Variants in FHIT observed in about 807,000 individuals in gnomAD.
FHIT encodes the protein fragile histidine triad diadenosine triphosphatase.
Under a neutral mutation model 17.9 loss-of-function variants are expected in FHIT, and 19 were observed. The ratio of observed to expected loss-of-function variants is 1.06; its 90% confidence interval spans 0.74 to 1.56. The LOEUF (loss-of-function observed/expected upper bound fraction) is 1.56. Ranked by LOEUF, FHIT falls within the 40% of genes most tolerant of loss-of-function variation. The pLI is 0.00. For synonymous variants in FHIT, 81 were observed against 69.7 expected (o/e 1.16, Z -0.81); for missense variants, 248 against 189.2 (o/e 1.31, Z -1.82).
intron 5 of FHIT, among the ~76,000 whole-genome samples, chr3:60,046,419 C>A (rs947356611): frequency 6.6e-6 from 1 of 152,188 alleles, no homozygotes; most frequent in African/African-American, 2.4e-5. Context: ...GGGCTGCCAT[C>A]GGTGTTTACA....
intron 5 of FHIT, among the ~76,000 whole-genome samples, chr3:60,436,690 C>A (rs574958915): frequency 2.2e-4 from 33 of 152,150 alleles, no homozygotes; most frequent in African/African-American, 7.2e-4. Flanking sequence ...AGACAAAAAA[C>A]GCTGCCTTCA....
chr3:60,925,532 G>T (rs757544057), intron 3 of FHIT, among the ~76,000 whole-genome samples: 2 of 152,164 alleles, frequency 1.3e-5, no homozygotes, highest in South Asian at 4.1e-4. Flanking sequence ...TCACCACCAG[G>T]CCTGCCTTAC....
intron 8 of FHIT, among the ~76,000 whole-genome samples, chr3:59,901,467 T>C (rs1575666631): frequency 6.6e-6 from 1 of 152,276 alleles, no homozygotes; most frequent in Admixed American, 6.5e-5. Flanking sequence ...GCACAGAATC[T>C]GAATAGACAT....
rs531589565 is a variant in FHIT, at chr3:60,614,602, C to CA, written c.-17-77624dup. Among the ~76,000 whole-genome samples, 81 of 149,142 alleles carry CA rather than the reference C, an allele frequency of 5.4e-4. 1 individual carries two copies. The East Asian group carries it at 0.012, about 23-fold the overall frequency. ...CAGCCTGGACAAGAACAAAACACCT[C>CA]AAAAAAAATTAATAAATAAATAAAT... On this transcript the variant is annotated intron_variant, in intron 4 of 9. Transcript: ENST00000492590.
intron 4 of FHIT, among the ~76,000 whole-genome samples, chr3:60,636,131 C>T (rs1169884881): frequency 6.6e-6 from 1 of 151,966 alleles, no homozygotes; most frequent in African/African-American, 2.4e-5. Flanking sequence ...GTGGCGCCAT[C>T]TCAATCTCGG....
intron 1 of FHIT, among the ~76,000 whole-genome samples, chr3:61,222,561 T>A (rs1408653858): frequency 6.6e-6 from 1 of 152,090 alleles, no homozygotes; most frequent in Non-Finnish European, 1.5e-5. Flanking sequence ...ACCAGCTCAA[T>A]TTGGAAGCAA....
At chr3:60,278,399 A>C (rs913965752) in intron 5 of FHIT, among the ~76,000 whole-genome samples, 3 of 152,214 alleles carry the variant, frequency 2.0e-5, no homozygotes, top group Non-Finnish European at 4.4e-5. Context: ...CTTCCTGTCT[A>C]ATGTCAGGGG....
chr3:60,511,229 C>T (rs1447976), intron 5 of FHIT, among the ~76,000 whole-genome samples: 1 of 152,042 alleles, frequency 6.6e-6, no homozygotes, highest in Non-Finnish European at 1.5e-5. Flanking sequence ...AAATATGTAT[C>T]GTACTGAGAA....
At chr3:61,143,758 C>T (rs995720930) in intron 2 of FHIT, among the ~76,000 whole-genome samples, 21 of 151,972 alleles carry the variant, frequency 1.4e-4, no homozygotes, top group Admixed American at 1.2e-3. Flanking sequence ...CCCAACTACT[C>T]GGGAGACTGA....
chr3:60,136,551 G>A (rs749165371), intron 5 of FHIT, among the ~76,000 whole-genome samples: 16 of 152,204 alleles, frequency 1.1e-4, no homozygotes, highest in Non-Finnish European at 2.2e-4. Context: ...TTTCATGAGG[G>A]CTGAGCCACT....
rs374150771 is a variant in FHIT, at chr3:60,944,588, A to G, written c.-111+97459T>C. The stretch of plus-strand genomic sequence containing the variant: ...TAATTAATGGAGACTTTGATATGAC[A>G]TCATAAAAACTCATAGTGTGGCAGA... On this transcript the variant is annotated intron_variant, in intron 3 of 9. Transcript: ENST00000492590. 3.3e-4 allele frequency among the ~76,000 whole-genome samples: 50 copies of G among 152,356 alleles called. 1 individual carries two copies. In the South Asian group the frequency reaches 9.7e-3, roughly 30 times the overall value.
At chr3:60,948,368 A>G (rs1708727554) in intron 3 of FHIT, among the ~76,000 whole-genome samples, 1 of 152,210 alleles carries the variant, frequency 6.6e-6, no homozygotes, top group Non-Finnish European at 1.5e-5. Flanking sequence ...TGCTTCTACT[A>G]TAATGAATTT....
chr3:60,101,022 C>T (rs1006945544), intron 5 of FHIT, among the ~76,000 whole-genome samples: 4 of 152,140 alleles, frequency 2.6e-5, no homozygotes, highest in Non-Finnish European at 5.9e-5. Flanking sequence ...TGAATATGTA[C>T]ACTTCTTTCT....
chr3:60,643,650 T>A (rs911952735), intron 4 of FHIT, among the ~76,000 whole-genome samples: 6 of 152,192 alleles, frequency 3.9e-5, no homozygotes, highest in African/African-American at 1.4e-4. Context: ...GTTTTAGATA[T>A]GTCAAAACTT....
At chr3:59,936,863 G>C (rs534224638) in intron 7 of FHIT, among the ~76,000 whole-genome samples, 3 of 152,148 alleles carry the variant, frequency 2.0e-5, no homozygotes, top group Non-Finnish European at 4.4e-5. Context: ...TTAAATAAAA[G>C]TGATAAGAAA....
At chr3:60,533,395 G>A (rs899616783) in intron 5 of FHIT, among the ~76,000 whole-genome samples, 1 of 152,284 alleles carries the variant, frequency 6.6e-6, no homozygotes, top group Middle Eastern at 3.4e-3. Context: ...TAAGAAAAAA[G>A]AGATGTGCAA....
chr3:59,872,495 T>C (rs775025215), intron 8 of FHIT, among the ~76,000 whole-genome samples: 3 of 152,218 alleles, frequency 2.0e-5, no homozygotes, highest in East Asian at 1.9e-4. Context: ...CACTGCATAA[T>C]TGAATCTTTG....
chr3:59,955,807 G>A (rs1236984570), intron 7 of FHIT, among the ~76,000 whole-genome samples: 3 of 152,080 alleles, frequency 2.0e-5, no homozygotes, highest in African/African-American at 4.8e-5. Flanking sequence ...AACCGTATAC[G>A]TTTTTCTTTA....
chr3:60,334,951 A>G (rs1247207733), intron 5 of FHIT, among the ~76,000 whole-genome samples: 1 of 152,220 alleles, frequency 6.6e-6, no homozygotes, highest in Non-Finnish European at 1.5e-5. Context: ...TTATTTTCCT[A>G]ACAACAACTG....
Sources: gnomAD v4.1 joint callset for allele counts (sites outside exome capture counted in the v4.1 genomes callset) on GRCh38, gnomAD v4.1.1 for gene constraint, MANE v1.5 for transcripts, NCBI Gene and HGNC (gene_info 2026-07-23, HGNC 2026-07-21) for gene names.